The following LRP1B variants were observed in gnomAD, a reference collection of about 807,000 sequenced individuals.
LRP1B encodes LDL receptor related protein 1B.
A neutral mutation model predicts 556.6 loss-of-function variants in LRP1B; 217 were observed. That is an observed-to-expected ratio of 0.39 (90% CI 0.35 to 0.44). LRP1B has a LOEUF of 0.44. Ranked by LOEUF, LRP1B falls within the 20% of genes least tolerant of loss-of-function variation. LRP1B has a pLI of 1.00. For missense variants in LRP1B, 5,053 were observed against 5,620.8 expected (o/e 0.90, Z 3.23); for synonymous variants, 2,047 against 1,865.8 (o/e 1.10, Z -2.50).
At chr2:142,124,097 A>G (rs1707556032) in intron 1 of LRP1B, among the ~76,000 whole-genome samples, 1 of 151,932 alleles carries the variant, frequency 6.6e-6, no homozygotes. Context: ...ATAGGTAAAC[A>G]TGTGTAACAA....
chr2:141,452,086 A>G (rs1488152940), intron 3 of LRP1B, among the ~76,000 whole-genome samples: 2 of 152,210 alleles, frequency 1.3e-5, no homozygotes, highest in Non-Finnish European at 2.9e-5. Context: ...CCTTATTACC[A>G]TAATTTAAGG....
Position 142,096,701 on chromosome 2 carries a change from G to T in LRP1B, c.82+33947C>A, listed in dbSNP as rs536507551. Among the ~76,000 whole-genome samples, 7 of 151,716 alleles carry T rather than the reference G, an allele frequency of 4.6e-5. No homozygotes were observed. The South Asian group carries it at 1.5e-3, about 31-fold the overall frequency. On this transcript the variant is annotated intron_variant, in intron 1 of 90. Coordinates refer to ENST00000389484, the MANE Select transcript of LRP1B (RefSeq NM_018557.3). ...CCTTACAAAGTCATGGAAGATAGCAGATGTAAACTTCTATTTTATTTATTT... is the reference window on the plus strand; with the variant it reads ...CCTTACAAAGTCATGGAAGATAGCATATGTAAACTTCTATTTTATTTATTT...
chr2:141,429,966 C>G (rs1044232601), intron 3 of LRP1B, among the ~76,000 whole-genome samples: 1 of 152,190 alleles, frequency 6.6e-6, no homozygotes, highest in African/African-American at 2.4e-5. Context: ...TAGACAACCA[C>G]TCTAACAGTC....
Position 140,870,640 on chromosome 2 carries a change from A to T in LRP1B, c.4170-2377T>A, listed in dbSNP as rs376476571. On this transcript the variant is annotated intron_variant, in intron 25 of 90. Coordinates refer to ENST00000389484, the MANE Select transcript of LRP1B (RefSeq NM_018557.3). ...AAGTAATGTTGCAGTACATTTTTCTATCAGGTCTGACAATATTTTGTTGAT... is the reference window on the plus strand; with the variant it reads ...AAGTAATGTTGCAGTACATTTTTCTTTCAGGTCTGACAATATTTTGTTGAT... Among the ~76,000 whole-genome samples, 25 of 152,292 alleles carry T rather than the reference A, an allele frequency of 1.6e-4. No individual in the cohort carries two copies. The East Asian group carries it at 3.3e-3, about 20-fold the overall frequency.
chr2:140,501,518 A>T (rs529978391), intron 55 of LRP1B, among the ~76,000 whole-genome samples, 169 bp downstream of exon 55: 65 of 152,160 alleles, frequency 4.3e-4, no homozygotes, highest in African/African-American at 1.5e-3. Flanking sequence ...ATATTCTCAC[A>T]ACTTTTATAT....
At chr2:141,018,951 T>C (rs1001869797) in intron 12 of LRP1B, among the ~76,000 whole-genome samples, 7 of 152,208 alleles carry the variant, frequency 4.6e-5, no homozygotes, top group South Asian at 2.1e-4. Context: ...ATGCCTCCTA[T>C]ACAATATGTA....
At chr2:140,704,255 A>T (rs1686748696) in intron 37 of LRP1B, among the ~76,000 whole-genome samples, 1 of 152,200 alleles carries the variant, frequency 6.6e-6, no homozygotes, top group Admixed American at 6.6e-5. Flanking sequence ...CACTGGAGTT[A>T]TTTAAGTACA....
At chr2:141,815,351 G>T (rs894433504) in intron 1 of LRP1B, among the ~76,000 whole-genome samples, 4 of 152,160 alleles carry the variant, frequency 2.6e-5, no homozygotes, top group African/African-American at 9.7e-5. Context: ...AGCCAGCTGG[G>T]TCGAGTGAGG....
At chr2:141,756,773 G>A (rs1239562171) in intron 2 of LRP1B, among the ~76,000 whole-genome samples, 1 of 152,072 alleles carries the variant, frequency 6.6e-6, no homozygotes, top group East Asian at 1.9e-4. Flanking sequence ...TCATACCCTA[G>A]GAGCAATAGG....
intron 5 of LRP1B, among the ~76,000 whole-genome samples, chr2:141,241,371 C>G (rs1172676392): frequency 2.0e-5 from 3 of 152,022 alleles, no homozygotes; most frequent in Admixed American, 6.6e-5. Context: ...AGCTTGTTCT[C>G]CAGCTGTATT....
chr2:142,018,617 A>G (rs56018609), intron 1 of LRP1B, among the ~76,000 whole-genome samples: 5,254 of 152,240 alleles, frequency 0.035, 93 homozygotes, highest in Non-Finnish European at 0.04. Context: ...ATTTTCATTG[A>G]AAACAATACA....
intron 41 of LRP1B, among the ~76,000 whole-genome samples, chr2:140,650,443 G>T (rs1056191270): frequency 6.6e-6 from 1 of 151,676 alleles, no homozygotes; most frequent in Non-Finnish European, 1.5e-5. Flanking sequence ...CCGCTTTCTG[G>T]GTTCAAGCGA....
At chr2:141,373,325 G>T (rs561711936) in intron 3 of LRP1B, among the ~76,000 whole-genome samples, 1 of 152,114 alleles carries the variant, frequency 6.6e-6, no homozygotes, top group African/African-American at 2.4e-5. Flanking sequence ...TTCTATAGTT[G>T]GTGCATAGAC....
chr2:141,482,947 GT>G (rs1682976167), intron 2 of LRP1B, among the ~76,000 whole-genome samples: 1 of 27,148 alleles, frequency 3.7e-5, no homozygotes, highest in Admixed American at 6.8e-4. Context: ...TTTTTGTTTT[GT>G]TTTGTTTTTT....
At chr2:140,778,032 C>T (rs1056425029) in intron 32 of LRP1B, among the ~76,000 whole-genome samples, 1 of 151,446 alleles carries the variant, frequency 6.6e-6, no homozygotes, top group Non-Finnish European at 1.5e-5. Flanking sequence ...GAAAAAAATG[C>T]CAGTTTTACT....
At chr2:141,071,076 C>A (rs1457667029) in intron 7 of LRP1B, among the ~76,000 whole-genome samples, 1 of 152,030 alleles carries the variant, frequency 6.6e-6, no homozygotes, top group East Asian at 1.9e-4. Context: ...AGACCAATAT[C>A]CTTGATGAAC....
chr2:141,670,323 A>G (rs896209468), intron 2 of LRP1B, among the ~76,000 whole-genome samples: 8 of 152,198 alleles, frequency 5.3e-5, no homozygotes, highest in African/African-American at 1.9e-4. Context: ...TCTATCAATA[A>G]ATGAGCAAAT....
intron 7 of LRP1B, among the ~76,000 whole-genome samples, chr2:141,179,487 T>C (rs75395270): frequency 5.9e-5 from 9 of 152,210 alleles, no homozygotes; most frequent in Non-Finnish European, 1.2e-4. Flanking sequence ...AAAATAGTTT[T>C]GTTTTTACCA....
intron 11 of LRP1B, among the ~76,000 whole-genome samples, chr2:141,040,147 T>A (rs1698655033): frequency 6.6e-6 from 1 of 152,100 alleles, no homozygotes; most frequent in Non-Finnish European, 1.5e-5. Context: ...CATTATTTCC[T>A]TTAATAGTTG....
Sources: gnomAD v4.1 joint callset for allele counts (sites outside exome capture counted in the v4.1 genomes callset) on GRCh38, gnomAD v4.1.1 for gene constraint, MANE v1.5 for transcripts, NCBI Gene and HGNC (gene_info 2026-07-23, HGNC 2026-07-21) for gene names.